The following TUSC3 variants were observed in gnomAD, a reference collection of about 807,000 sequenced individuals.
TUSC3 encodes the protein dolichyl-diphosphooligosaccharide--protein glycosyltransferase subunit TUSC3.
TUSC3 carries 45 observed loss-of-function variants against 44.8 expected under a neutral mutation model. That is an observed-to-expected ratio of 1.00 (90% CI 0.79 to 1.29). The LOEUF is 1.29. Ranked by LOEUF, TUSC3 falls within the 50% of genes most tolerant of loss-of-function variation. The pLI is 0.00. For synonymous variants in TUSC3, 212 were observed against 152.9 expected (o/e 1.39, Z -2.85); for missense variants, 519 against 437.9 (o/e 1.19, Z -1.65).
chr8:15,496,603 C>G (rs568354824), intron 2 of TUSC3, among the ~76,000 whole-genome samples: 3 of 152,216 alleles, frequency 2.0e-5, no homozygotes, highest in Non-Finnish European at 4.4e-5. Flanking sequence ...TCCAGCTGGG[C>G]TATTCTGTGC....
intron 1 of TUSC3, among the ~76,000 whole-genome samples, chr8:15,549,990 C>G (rs542501428): frequency 1.3e-5 from 2 of 151,706 alleles, no homozygotes; most frequent in South Asian, 2.1e-4. Flanking sequence ...GCTTACAACT[C>G]TAAGGGGATC....
intron 2 of TUSC3, among the ~76,000 whole-genome samples, chr8:15,528,271 C>T (rs1271465414): frequency 1.3e-5 from 2 of 152,064 alleles, no homozygotes; most frequent in African/African-American, 2.4e-5. Context: ...TTCAGTGAAA[C>T]AAAATTACTG....
At chr8:15,717,563 C>T (rs538389983) in intron 6 of TUSC3, among the ~76,000 whole-genome samples, 1 of 152,048 alleles carries the variant, frequency 6.6e-6, no homozygotes, top group African/African-American at 2.4e-5. Flanking sequence ...TGTTTGAAAT[C>T]CTGTTGCAGT....
At chr8:15,431,030 C>G (rs1247499022) in intron 1 of TUSC3, among the ~76,000 whole-genome samples, 2 of 151,572 alleles carry the variant, frequency 1.3e-5, no homozygotes, top group East Asian at 3.9e-4. Context: ...TTATTTTACT[C>G]CACTGGTATA....
chr8:15,579,187 T>G (rs1803228888), intron 1 of TUSC3, among the ~76,000 whole-genome samples: 1 of 149,642 alleles, frequency 6.7e-6, no homozygotes, highest in South Asian at 2.1e-4. Flanking sequence ...TTTTATTGTG[T>G]CTATTTGATT....
intron 2 of TUSC3, among the ~76,000 whole-genome samples, chr8:15,491,251 C>T (rs1188663531): frequency 6.6e-6 from 1 of 152,192 alleles, no homozygotes; most frequent in African/African-American, 2.4e-5. Context: ...TATCAATTTA[C>T]ACTGTCCCTG....
chr8:15,518,454 C>G (rs1417048078), intron 2 of TUSC3, among the ~76,000 whole-genome samples: 2 of 152,040 alleles, frequency 1.3e-5, no homozygotes, highest in Non-Finnish European at 2.9e-5. Flanking sequence ...TGTATTTCTT[C>G]TCTGTATTAA....
chr8:15,794,169 T>C, the TUSC3 span, among the ~76,000 whole-genome samples: 2 of 152,216 alleles, frequency 1.3e-5, no homozygotes, highest in African/African-American at 2.4e-5. Context: ...GGGAATCTGC[T>C]CAGGACCTCA....
chr8:15,781,950 T>C, the TUSC3 span, among the ~76,000 whole-genome samples: 2 of 152,130 alleles, frequency 1.3e-5, no homozygotes, highest in Admixed American at 1.3e-4. Context: ...CTAGCCAAGA[T>C]GGCAAAAGCC....
At chr8:15,697,224 G>T (rs865818539) in intron 6 of TUSC3, among the ~76,000 whole-genome samples, 6 of 152,210 alleles carry the variant, frequency 3.9e-5, no homozygotes, top group Middle Eastern at 6.8e-3. Flanking sequence ...TATTTTCAAA[G>T]AACCAGCTTT....
At chr8:15,619,241 A>G (rs1805133641) in intron 1 of TUSC3, among the ~76,000 whole-genome samples, 1 of 152,202 alleles carries the variant, frequency 6.6e-6, no homozygotes, top group Non-Finnish European at 1.5e-5. Context: ...TTGTTATTCC[A>G]GAACATGGAT....
At chr8:15,806,032 T>C in the TUSC3 span, 5 of 244,386 alleles carry the variant, frequency 2.0e-5, no homozygotes, top group African/African-American at 6.9e-5. Flanking sequence ...TGATCATTCT[T>C]ACCCATGTCA....
At chr8:15,467,087 C>A (rs952989651) in intron 1 of TUSC3, among the ~76,000 whole-genome samples, 1 of 151,924 alleles carries the variant, frequency 6.6e-6, no homozygotes, top group Non-Finnish European at 1.5e-5. Flanking sequence ...AGTTTAAGAG[C>A]TTGGCCTATT....
chr8:15,462,685 T>G (rs1198926555), intron 1 of TUSC3, among the ~76,000 whole-genome samples: 1 of 152,128 alleles, frequency 6.6e-6, no homozygotes, highest in Non-Finnish European at 1.5e-5. Flanking sequence ...TTCTTAAAAT[T>G]TAGTCTATTA....
the TUSC3 span, among the ~76,000 whole-genome samples, chr8:15,828,313 T>G: frequency 6.6e-6 from 1 of 152,216 alleles, no homozygotes; most frequent in Non-Finnish European, 1.5e-5. Context: ...TTTTTTAATC[T>G]ACAGTTTGTA....
At chr8:15,782,741 A>G in the TUSC3 span, among the ~76,000 whole-genome samples, 1 of 152,202 alleles carries the variant, frequency 6.6e-6, no homozygotes, top group Admixed American at 6.5e-5. Flanking sequence ...GTTCCTCAAC[A>G]AAATAAAAGC....
chr8:15,730,229 G>T (rs1810663124), intron 6 of TUSC3, among the ~76,000 whole-genome samples: 2 of 152,016 alleles, frequency 1.3e-5, no homozygotes, highest in Non-Finnish European at 2.9e-5. Context: ...TGAATTATGT[G>T]CATTTATAAA....
chr8:15,436,862 C>A (rs1408843991), intron 1 of TUSC3, among the ~76,000 whole-genome samples: 3 of 152,050 alleles, frequency 2.0e-5, no homozygotes, highest in Non-Finnish European at 2.9e-5. Context: ...TGAAGTATAA[C>A]CCAGGTATTT....
chr8:15,748,603 C>T (rs1338891327), intron 9 of TUSC3, 138 bp downstream of exon 9: 2 of 804,672 alleles, frequency 2.5e-6, no homozygotes, highest in Non-Finnish European at 4.4e-6. Flanking sequence ...TTTTGAGCAC[C>T]TGCCATGTGT....
Sources: allele counts gnomAD v4.1 joint callset (sites outside exome capture counted in the v4.1 genomes callset), GRCh38; gene constraint gnomAD v4.1.1; transcripts MANE v1.5; gene names NCBI Gene and HGNC (gene_info 2026-07-23, HGNC 2026-07-21).